PCDHGA3: variants seen among roughly 807,000 people sequenced by gnomAD.
PCDHGA3 encodes protocadherin gamma-A3.
In PCDHGA3, 40 loss-of-function variants were observed where a neutral mutation model predicts 58.5. The observed-to-expected ratio is 0.68, with a 90% CI of 0.53 to 0.89. The LOEUF (loss-of-function observed/expected upper bound fraction) is 0.89. Ranked by LOEUF, PCDHGA3 falls within the 40% of genes least tolerant of loss-of-function variation. The probability of loss-of-function intolerance (pLI) is 0.00; values close to 1 mark genes in which losing one functional copy is unlikely to be tolerated. For missense variants in PCDHGA3, 1,223 were observed against 1,195.9 expected (o/e 1.02, Z -0.33); for synonymous variants, 530 against 525.7 (o/e 1.01, Z -0.11).
In PCDHGA3 at chr5:141,394,544, G is replaced by A. The variant is rs759661980; in HGVS notation, c.2424+48087G>A. 2.5e-6 allele frequency: 4 copies of A among 1,614,054 alleles called. No individual in the cohort carries two copies. In the South Asian group the frequency reaches 3.3e-5, roughly 13 times the overall value. ...CAGACGGTTCCACTGGCGTGGAGCT[G>A]GCGCCCCGCTCCGCAGAGCGTGGCT... On this transcript the variant is annotated intron_variant, in intron 1 of 3. Coordinates refer to ENST00000253812, the MANE Select transcript of PCDHGA3 (RefSeq NM_018916.4).
At chr5:141,409,241 A>G in intron 1 of PCDHGA3, 1 of 1,614,038 alleles carries the variant, frequency 6.2e-7, no homozygotes. Context: ...CAGCCCAGAA[A>G]TAATCATCAC....
Position 141,388,997 on chromosome 5 carries a change from C to G in PCDHGA3, c.2424+42540C>G. On this transcript the variant is annotated intron_variant, in intron 1 of 3. Transcript: ENST00000253812. ...ATATTGCTTTGCTCAAAGTCCGTGA[C>G]AAGGATTCCAGACACAATGGAGAAG... The G allele has an allele frequency of 1.9e-6, 3 of 1,613,968 alleles. No individual in the cohort carries two copies. The highest frequency in any genetic ancestry group is 2.5e-6 in the Non-Finnish European group (3 of 1,179,880).
At chr5:141,375,427 C>T in intron 1 of PCDHGA3, 2 of 1,613,978 alleles carry the variant, frequency 1.2e-6, no homozygotes, top group Non-Finnish European at 1.7e-6. Flanking sequence ...CCAACGACAA[C>T]CCGCCCACCT....
At chr5:141,504,817 G>T in intron 2 of PCDHGA3, among the ~76,000 whole-genome samples, 1 of 151,940 alleles carries the variant, frequency 6.6e-6, no homozygotes, top group East Asian at 1.9e-4. Flanking sequence ...TACCTCCTAG[G>T]TCCCCACTTT....
At chr5:141,425,717 C>G (rs1207360676) in intron 1 of PCDHGA3, among the ~76,000 whole-genome samples, 1 of 152,188 alleles carries the variant, frequency 6.6e-6, no homozygotes, top group African/African-American at 2.4e-5. Context: ...TTTTCCCATA[C>G]CACTTGATGG....
intron 1 of PCDHGA3, among the ~76,000 whole-genome samples, chr5:141,468,952 G>GTT (rs34870721): frequency 3.3e-5 from 5 of 151,198 alleles, no homozygotes; most frequent in Admixed American, 6.6e-5. Flanking sequence ...TAAACCTGTG[G>GTT]TTTTTTTTAC....
At chr5:141,410,302 A>G (rs1332359508) in intron 1 of PCDHGA3, 1 of 1,613,356 alleles carries the variant, frequency 6.2e-7, no homozygotes, top group Non-Finnish European at 8.5e-7. Context: ...CCTTAATCTC[A>G]GTGCTCTTCC....
At position 141,477,369 on chromosome 5, in the gene PCDHGA3, A is replaced by G; in HGVS notation, c.2425-17438A>G. The G allele has an allele frequency of 6.2e-7, 1 of 1,614,164 alleles. No individual in the cohort carries two copies. Among genetic ancestry groups the G allele is most frequent in the Non-Finnish European group, 8.5e-7 (1 of 1,180,026 alleles). ...AAAACCAGTGCAGACCTGGATCGGG[A>G]GACTGTGCCAGAATACAACCTCAGC... On this transcript the variant is annotated intron_variant, in intron 1 of 3. Transcript: ENST00000253812. The surrounding 1 kb of genome is among the most constrained non-coding windows in gnomAD (Gnocchi z 4.9).
At position 141,346,231 on chromosome 5, in the gene PCDHGA3, C is replaced by T; in HGVS notation, c.2198C>T (p.Ala733Val). Residue 733 changes from alanine (A) to valine (V), a missense_variant, in exon 1 of 4, where the codon GCG (alanine) becomes GTG (valine). By Grantham distance (64) the Ala-to-Val change is moderately conservative (BLOSUM62 0). Transcript: ENST00000253812. ...CTGCAGGCTTCGGGAGGCGGCTTGG[C>T]GAGTACGCCCGGCTCGCACTTTGTG... Reference protein sequence around the residue: ...RLLQASGGGLASTPGSHFVGA... With the variant: ...RLLQASGGGLVSTPGSHFVGA... 3 of 1,614,200 alleles carry T rather than the reference C, an allele frequency of 1.9e-6. No individual in the cohort carries two copies. The highest frequency in any genetic ancestry group is 1.3e-5 in the African/African-American group (1 of 75,064).
chr5:141,489,915 C>T lies in PCDHGA3; in HGVS notation c.2425-4892C>T, dbSNP rs971312502. On this transcript the variant is annotated intron_variant, in intron 1 of 3. Coordinates refer to ENST00000253812, the MANE Select transcript of PCDHGA3 (RefSeq NM_018916.4). This position sits in a 1 kb window ranked among gnomAD's most constrained non-coding sequence, Gnocchi z 4.5. ...GGGGGACCCCAGCCCGCTCAGGGAC[C>T]ACCCTTATCTCTGTCATCGTGCTGG... The T allele has an allele frequency of 6.2e-7, 1 of 1,614,242 alleles. No individual in the cohort carries two copies. Among genetic ancestry groups the T allele is most frequent in the Non-Finnish European group, 8.5e-7 (1 of 1,180,044 alleles).
intron 1 of PCDHGA3, chr5:141,374,155 G>A (rs1165591733): frequency 6.2e-7 from 1 of 1,612,144 alleles, no homozygotes; most frequent in Admixed American, 1.7e-5. Flanking sequence ...GGACGCTGTG[G>A]GGGGCCGCGG....
chr5:141,423,868 T>G (rs2154550529), intron 1 of PCDHGA3: 1 of 1,283,788 alleles, frequency 7.8e-7, no homozygotes, highest in East Asian at 3.1e-5. Flanking sequence ...GTGAAAGTCA[T>G]TTTTCAATCT....
intron 1 of PCDHGA3, chr5:141,428,149 G>A (rs1048150182): frequency 8.8e-6 from 14 of 1,586,676 alleles, no homozygotes; most frequent in African/African-American, 1.3e-5. Flanking sequence ...CTGCACACGG[G>A]AACCTGCTGG....
At chr5:141,460,883 C>T (rs371847673) in intron 1 of PCDHGA3, among the ~76,000 whole-genome samples, 2 of 149,996 alleles carry the variant, frequency 1.3e-5, no homozygotes, top group East Asian at 2.0e-4. Context: ...TATTTCATGC[C>T]TTTTCGTGGC....
At chr5:141,408,850 C>T (rs2095179070) in intron 1 of PCDHGA3, 2 of 1,613,554 alleles carry the variant, frequency 1.2e-6, no homozygotes, top group South Asian at 1.1e-5. Context: ...CTGCCTTGGA[C>T]GGAGGGGACC....
Position 141,432,670 on chromosome 5 carries a change from G to A in PCDHGA3, c.2425-62137G>A, listed in dbSNP as rs749221752. ...CGCGAGCCCTGCTGGACAGAGACGC[G>A]CTCAAGCAGAGCCTCGTAGTGGCCG... On this transcript the variant is annotated intron_variant, in intron 1 of 3. Coordinates refer to ENST00000253812, the MANE Select transcript of PCDHGA3 (RefSeq NM_018916.4). The surrounding 1 kb of genome is among the most constrained non-coding windows in gnomAD (Gnocchi z 6.0). The A allele has an allele frequency of 6.8e-6, 11 of 1,613,748 alleles. No individual in the cohort carries two copies. The East Asian group carries it at 1.8e-4, about 26-fold the overall frequency.
Position 141,486,989 on chromosome 5 carries a change from G to A in PCDHGA3, c.2425-7818G>A. 1.9e-6 allele frequency: 3 copies of A among 1,614,168 alleles called. No individual in the cohort carries two copies. Among genetic ancestry groups the A allele is most frequent in the Non-Finnish European group, 2.5e-6 (3 of 1,180,034 alleles). On this transcript the variant is annotated intron_variant, in intron 1 of 3. Transcript: ENST00000253812. This position sits in a 1 kb window ranked among gnomAD's most constrained non-coding sequence, Gnocchi z 5.0. ...CTTGGATTCAGGTTACAATGCTTGG[G>A]TTTCCTATCAGCTCCTGGAGGCCCC...
In PCDHGA3 at chr5:141,414,949, G is replaced by A. The variant is rs774769957; in HGVS notation, c.2424+68492G>A. On this transcript the variant is annotated intron_variant, in intron 1 of 3. Transcript: ENST00000253812. ...CCGCTCCGCAGAGCCCGGCTACCTGGTGACCAAGGTGGTGGCGGTGGACAG... is the reference window on the plus strand; with the variant it reads ...CCGCTCCGCAGAGCCCGGCTACCTGATGACCAAGGTGGTGGCGGTGGACAG... The A allele has an allele frequency of 8.1e-6, 13 of 1,614,096 alleles. 1 individual carries two copies. The South Asian group carries it at 1.4e-4, about 18-fold the overall frequency.
At chr5:141,355,307 T>C (rs548636381) in intron 1 of PCDHGA3, 6 of 1,613,842 alleles carry the variant, frequency 3.7e-6, no homozygotes, top group South Asian at 3.3e-5. Context: ...TACTCGGTGT[T>C]TGAGGAGCAG....
Sources: gnomAD v4.1 joint callset for allele counts (sites outside exome capture counted in the v4.1 genomes callset) on GRCh38, gnomAD v4.1.1 for gene constraint, Gnocchi (gnomAD v3.1) non-coding constraint, MANE v1.5 for transcripts, NCBI Gene and HGNC (gene_info 2026-07-23, HGNC 2026-07-21) for gene names.